Variants in APCS observed in about 807,000 individuals in gnomAD.
The protein encoded by APCS is serum amyloid P-component.
A neutral mutation model predicts 2.5 loss-of-function variants in APCS; 2 were observed. The ratio of observed to expected loss-of-function variants is 0.80; its 90% confidence interval spans 0.33 to 2.53. The LOEUF (loss-of-function observed/expected upper bound fraction) is 2.53. APCS is among the 30% of genes most tolerant of loss of function. APCS has a pLI of 0.11. For missense variants in APCS, 302 were observed against 258.9 expected, an observed-to-expected ratio of 1.17 and a Z score of -1.14; for synonymous variants, 109 against 102.5, an observed-to-expected ratio of 1.06 and a Z score of -0.39.
At position 159,588,510 on chromosome 1, in the gene APCS, CT is replaced by C; in HGVS notation, c.475del (p.Tyr159MetfsTer49). 6.2e-7 allele frequency: 1 copy of C among 1,613,890 alleles called. No homozygotes were observed. Among genetic ancestry groups the C allele is most frequent in the Non-Finnish European group, 8.5e-7 (1 of 1,179,962 alleles). On this transcript the variant is annotated frameshift_variant, in exon 2 of 2. Transcript: ENST00000255040. LOFTEE classifies it low-confidence loss of function (END_TRUNC). Reference protein sequence around the residue: ...KIVLGQEQDSYGGKFDRSQSF... With the variant: ...KIVLGQEQDSXGGKFDRSQSF... ...TTGTCCTGGGGCAGGAACAGGATTC[CT>C]ATGGGGGCAAGTTTGATAGGAGCCA...
chr1:159,588,693 C>T lies in APCS; in HGVS notation c.657C>T (p.Pro219=), dbSNP rs200793718. 5 of 1,612,286 alleles carry T rather than the reference C, an allele frequency of 3.1e-6. No homozygotes were observed. In the South Asian group the frequency reaches 3.3e-5, roughly 11 times the overall value. The change falls in exon 2 of 2, where the codon CCC becomes CCT. Residue 219 remains proline, a synonymous_variant. Transcript: ENST00000255040. ...YEIRGYVIIK[P]LVWV ...TCAGAGGATATGTCATCATCAAACC[C>T]TTGGTGTGGGTCTGAGGTCTTGACT...
Position 159,588,706 on chromosome 1 carries a change from T to A in APCS, c.670T>A (p.Ter224ArgextTer15). The A allele has an allele frequency of 6.2e-7, 1 of 1,608,446 alleles. No homozygotes were observed. The highest frequency in any genetic ancestry group is 8.5e-7 in the Non-Finnish European group (1 of 1,175,988). ...YVIIKPLVWV[*>R] ...CATCATCAAACCCTTGGTGTGGGTC[T>A]GAGGTCTTGACTCAACGAGAGCACT... Residue 224 changes from the stop codon to arginine, a stop_lost, in exon 2 of 2, where the codon TGA becomes AGA. Transcript: ENST00000255040.
Position 159,588,615 on chromosome 1 carries a change from G to A in APCS, c.579G>A (p.Gln193=), listed in dbSNP as rs148975228. 48 of 1,613,618 alleles carry A rather than the reference G, an allele frequency of 3.0e-5. No individual in the cohort carries two copies. In the Admixed American group the frequency reaches 4.2e-4, roughly 14 times the overall value. Residue 193 remains glutamine, a synonymous_variant, in exon 2 of 2, where the codon CAG becomes CAA. Transcript: ENST00000255040. ...LPPENILSAY[Q]GTPLPANILD... ...CAGAAAATATCCTGTCTGCCTATCA[G>A]GGTACCCCTCTCCCTGCCAATATCC...
At position 159,587,844 on chromosome 1, in the gene APCS, C is replaced by G; in HGVS notation, c.-78C>G. On this transcript the variant is annotated 5_prime_UTR_variant, in exon 1 of 2. Transcript: ENST00000255040. ...AGTCTAAGGGCATGAATATCAGACG[C>G]TAGGGGGACAGCCACTGTGTTGTCT... The G allele has an allele frequency of 6.8e-7, 1 of 1,462,584 alleles. No individual in the cohort carries two copies. Among genetic ancestry groups the G allele is most frequent in the East Asian group, 2.3e-5 (1 of 44,158 alleles). The allele number at this position is 1,462,584 out of a possible 1,614,324, so 90.6% of individuals were successfully genotyped here.
In APCS at chr1:159,588,540, C is replaced by G. The variant is rs1267087717; in HGVS notation, c.504C>G (p.Ser168=). The G allele has an allele frequency of 5.6e-6, 9 of 1,613,932 alleles. No homozygotes were observed. Among genetic ancestry groups the G allele is most frequent in the Non-Finnish European group, 7.6e-6 (9 of 1,179,994 alleles). ...GGGGCAAGTTTGATAGGAGCCAGTC[C>G]TTTGTGGGAGAGATTGGGGATTTGT... is the stretch of plus-strand genomic sequence containing the variant. ...SYGGKFDRSQ[S]FVGEIGDLYM... The change falls in exon 2 of 2, where the codon TCC becomes TCG. Residue 168 remains serine, a synonymous_variant. Coordinates refer to ENST00000255040, the MANE Select transcript of APCS (RefSeq NM_001639.4).
chr1:159,588,785 C>G lies in APCS; in HGVS notation c.*77C>G, dbSNP rs1334636177. 1 of 1,416,980 alleles carries G rather than the reference C, an allele frequency of 7.1e-7. No homozygotes were observed. 87.8% of individuals were successfully genotyped at this position (1,416,980 alleles called of 1,614,324 possible). ...TGGTCAAAGCAACTGGATACTAGATCTTACATCTGCAGCTCTTTCTTCTTT... is the reference window on the plus strand; with the variant it reads ...TGGTCAAAGCAACTGGATACTAGATGTTACATCTGCAGCTCTTTCTTCTTT... On this transcript the variant is annotated 3_prime_UTR_variant, in exon 2 of 2. Coordinates refer to ENST00000255040, the MANE Select transcript of APCS (RefSeq NM_001639.4).
In APCS at chr1:159,588,153, A is replaced by C. The variant is rs767403078; in HGVS notation, c.117A>C (p.Val39=). 1 of 1,613,040 alleles carries C rather than the reference A, an allele frequency of 6.2e-7. No homozygotes were observed. Among genetic ancestry groups the C allele is most frequent in the African/African-American group, 1.3e-5 (1 of 74,906 alleles). The change falls in exon 2 of 2, where the codon GTA becomes GTC. Residue 39 remains valine, a synonymous_variant. Coordinates refer to ENST00000255040, the MANE Select transcript of APCS (RefSeq NM_001639.4). ...VFPRESVTDH[V]NLITPLEKPL... The stretch of plus-strand genomic sequence containing the variant: ...CTAGAGAATCTGTTACTGATCATGT[A>C]AACTTGATCACACCGCTGGAGAAGC...
At position 159,588,717 on chromosome 1, in the gene APCS, C is replaced by A; in HGVS notation, c.*9C>A. 6.3e-7 allele frequency: 1 copy of A among 1,598,152 alleles called. No homozygotes were observed. The highest frequency in any genetic ancestry group is 8.6e-7 in the Non-Finnish European group (1 of 1,169,074). ...CCTTGGTGTGGGTCTGAGGTCTTGA[C>A]TCAACGAGAGCACTTGAAAATGAAA... On this transcript the variant is annotated 3_prime_UTR_variant, in exon 2 of 2. Coordinates refer to ENST00000255040, the MANE Select transcript of APCS (RefSeq NM_001639.4).
chr1:159,588,451 C>G lies in APCS; in HGVS notation c.415C>G (p.Arg139Gly), dbSNP rs879661012. ...GACACCTTTGGTGAAAAAGGGTCTG[C>G]GACAGGGTTACTTTGTAGAAGCTCA... The part of the protein sequence containing the change: ...NGTPLVKKGL[R>G]QGYFVEAQPK... The change falls in exon 2 of 2, where the codon CGA (arginine) becomes GGA (glycine). Residue 139 changes from arginine (R) to glycine (G), a missense_variant. Arg to Gly is a moderately radical substitution (Grantham distance 125). Transcript: ENST00000255040. 6.2e-7 allele frequency: 1 copy of G among 1,613,858 alleles called. No individual in the cohort carries two copies. The highest frequency in any genetic ancestry group is 1.3e-5 in the African/African-American group (1 of 74,838).
In APCS at chr1:159,588,419, T is replaced by C. The variant is rs1570984539; in HGVS notation, c.383T>C (p.Ile128Thr). Residue 128 changes from isoleucine (I) to threonine (T), a missense_variant, in exon 2 of 2, where the codon ATC becomes ACC. Physicochemically the swap from Ile to Thr is moderately conservative, Grantham distance 89. Transcript: ENST00000255040. The part of the protein sequence containing the change: ...ESSSGIAEFW[I>T]NGTPLVKKGL... ...TCATCAGGTATTGCTGAATTTTGGA[T>C]CAATGGGACACCTTTGGTGAAAAAG... 4.3e-6 allele frequency: 7 copies of C among 1,613,926 alleles called. No individual in the cohort carries two copies. Among genetic ancestry groups the C allele is most frequent in the Non-Finnish European group, 5.1e-6 (6 of 1,179,994 alleles).
In APCS at chr1:159,588,466, G is replaced by C. The variant is rs1364170220; in HGVS notation, c.430G>C (p.Val144Leu). 6.2e-7 allele frequency: 1 copy of C among 1,613,790 alleles called. No individual in the cohort carries two copies. Among genetic ancestry groups the C allele is most frequent in the African/African-American group, 1.3e-5 (1 of 74,874 alleles). ...VKKGLRQGYF[V>L]EAQPKIVLGQ... ...AAAGGGTCTGCGACAGGGTTACTTT[G>C]TAGAAGCTCAGCCCAAGATTGTCCT... Residue 144 changes from valine (V) to leucine (L), a missense_variant, in exon 2 of 2, where the codon GTA becomes CTA. Physicochemically the swap from Val to Leu is conservative, Grantham distance 32. Transcript: ENST00000255040.
In APCS at chr1:159,588,561, T is replaced by G. The variant is rs1277988292; in HGVS notation, c.525T>G (p.Asp175Glu). 1.2e-6 allele frequency: 2 copies of G among 1,613,786 alleles called. No homozygotes were observed. Among genetic ancestry groups the G allele is most frequent in the East Asian group, 2.2e-5 (1 of 44,872 alleles). Residue 175 changes from aspartate (D) to glutamate (E), a missense_variant, in exon 2 of 2, where the codon GAT (aspartate) becomes GAG (glutamate). Asp to Glu is a conservative substitution (Grantham distance 45, BLOSUM62 2). Coordinates refer to ENST00000255040, the MANE Select transcript of APCS (RefSeq NM_001639.4). ...AGTCCTTTGTGGGAGAGATTGGGGA[T>G]TTGTACATGTGGGACTCTGTGCTGC... is the stretch of plus-strand genomic sequence containing the variant. ...RSQSFVGEIG[D>E]LYMWDSVLPP...
rs754554557 is a variant in APCS, at chr1:159,588,473, C to G, written c.437C>G (p.Ala146Gly). The G allele has an allele frequency of 6.2e-7, 1 of 1,613,790 alleles. No homozygotes were observed. The highest frequency in any genetic ancestry group is 1.7e-5 in the Admixed American group (1 of 59,956). ...CTGCGACAGGGTTACTTTGTAGAAG[C>G]TCAGCCCAAGATTGTCCTGGGGCAG... ...KGLRQGYFVEAQPKIVLGQEQ... is the reference protein window; with the variant it reads ...KGLRQGYFVEGQPKIVLGQEQ... Residue 146 changes from alanine (A) to glycine (G), a missense_variant, in exon 2 of 2, where the codon GCT becomes GGT. Ala to Gly is a moderately conservative substitution (Grantham distance 60). Coordinates refer to ENST00000255040, the MANE Select transcript of APCS (RefSeq NM_001639.4).
At position 159,588,834 on chromosome 1, in the gene APCS, CT is replaced by C; in HGVS notation, c.*127del. 9.1e-7 allele frequency: 1 copy of C among 1,102,530 alleles called. No homozygotes were observed. The highest frequency in any genetic ancestry group is 2.4e-5 in the East Asian group (1 of 41,700). The allele number at this position is 1,102,530 out of a possible 1,614,324, so 68.3% of individuals were successfully genotyped here. ...TTGAATTTCCTATCTGTATGTCTGC[CT>C]AATTAAAAAAATATATATTGTATTA... On this transcript the variant is annotated 3_prime_UTR_variant, in exon 2 of 2. Coordinates refer to ENST00000255040, the MANE Select transcript of APCS (RefSeq NM_001639.4).
rs201186513 is a variant in APCS, at chr1:159,588,722, C to A, written c.*14C>A. 1.9e-6 allele frequency: 3 copies of A among 1,591,720 alleles called. No homozygotes were observed. The Admixed American group carries it at 5.1e-5, about 27-fold the overall frequency. On this transcript the variant is annotated 3_prime_UTR_variant, in exon 2 of 2. Coordinates refer to ENST00000255040, the MANE Select transcript of APCS (RefSeq NM_001639.4). The stretch of plus-strand genomic sequence containing the variant: ...GTGTGGGTCTGAGGTCTTGACTCAA[C>A]GAGAGCACTTGAAAATGAAATGACT...
chr1:159,588,701 G>T lies in APCS; in HGVS notation c.665G>T (p.Trp222Leu). 3 of 1,608,694 alleles carry T rather than the reference G, an allele frequency of 1.9e-6. No homozygotes were observed. Among genetic ancestry groups the T allele is most frequent in the Non-Finnish European group, 2.6e-6 (3 of 1,176,304 alleles). ...RGYVIIKPLV[W>L]V The stretch of plus-strand genomic sequence containing the variant: ...TATGTCATCATCAAACCCTTGGTGT[G>T]GGTCTGAGGTCTTGACTCAACGAGA... Residue 222 changes from tryptophan to leucine, a missense_variant, in exon 2 of 2, where the codon TGG becomes TTG. Trp to Leu is a moderately conservative substitution (Grantham distance 61). Coordinates refer to ENST00000255040, the MANE Select transcript of APCS (RefSeq NM_001639.4).
In APCS at chr1:159,588,697, G is replaced by A. The variant is rs760187041; in HGVS notation, c.661G>A (p.Val221Met). The change falls in exon 2 of 2, where the codon GTG (valine) becomes ATG (methionine). Residue 221 changes from valine (V) to methionine (M), a missense_variant. Val to Met is a conservative substitution (Grantham distance 21, BLOSUM62 1). Transcript: ENST00000255040. ...IRGYVIIKPLVWV is the reference protein window; with the variant it reads ...IRGYVIIKPLMWV ...AGGATATGTCATCATCAAACCCTTGGTGTGGGTCTGAGGTCTTGACTCAAC... is the reference window on the plus strand; with the variant it reads ...AGGATATGTCATCATCAAACCCTTGATGTGGGTCTGAGGTCTTGACTCAAC... 1 of 1,611,572 alleles carries A rather than the reference G, an allele frequency of 6.2e-7. No individual in the cohort carries two copies. The highest frequency in any genetic ancestry group is 8.5e-7 in the Non-Finnish European group (1 of 1,178,508).
In APCS at chr1:159,588,330, A is replaced by T. The variant is rs761016833; in HGVS notation, c.294A>T (p.Lys98Asn). Residue 98 changes from lysine to asparagine, a missense_variant, in exon 2 of 2, where the codon AAA becomes AAT. Lys to Asn is a moderately conservative substitution (Grantham distance 94). Coordinates refer to ENST00000255040, the MANE Select transcript of APCS (RefSeq NM_001639.4). Reference protein sequence around the residue: ...GEYSLYIGRHKVTSKVIEKFP... With the variant: ...GEYSLYIGRHNVTSKVIEKFP... Reference sequence around the variant, plus strand: ...ATAGTCTATACATTGGAAGACACAAAGTTACATCCAAAGTTATCGAAAAGT... The same window carrying T: ...ATAGTCTATACATTGGAAGACACAATGTTACATCCAAAGTTATCGAAAAGT... 1 of 1,614,174 alleles carries T rather than the reference A, an allele frequency of 6.2e-7. No individual in the cohort carries two copies. The highest frequency in any genetic ancestry group is 1.1e-5 in the South Asian group (1 of 91,082).
In APCS at chr1:159,588,502, C is replaced by A. The variant is rs780225259; in HGVS notation, c.466C>A (p.Gln156Lys). Reference sequence around the variant, plus strand: ...GCCCAAGATTGTCCTGGGGCAGGAACAGGATTCCTATGGGGGCAAGTTTGA... The same window carrying A: ...GCCCAAGATTGTCCTGGGGCAGGAAAAGGATTCCTATGGGGGCAAGTTTGA... ...AQPKIVLGQE[Q>K]DSYGGKFDRS... Residue 156 changes from glutamine (Q) to lysine (K), a missense_variant, in exon 2 of 2, where the codon CAG (glutamine) becomes AAG (lysine). Transcript: ENST00000255040. 1.9e-6 allele frequency: 3 copies of A among 1,613,706 alleles called. No individual in the cohort carries two copies. The highest frequency in any genetic ancestry group is 2.5e-6 in the Non-Finnish European group (3 of 1,179,888).
Sources: gnomAD v4.1 joint callset for allele counts on GRCh38, gnomAD v4.1.1 for gene constraint, MANE v1.5 for transcripts, NCBI Gene and HGNC (gene_info 2026-07-23, HGNC 2026-07-21) for gene names.